The following PRDM16 variants were observed in gnomAD, a reference collection of about 807,000 sequenced individuals.
PRDM16 encodes PR/SET domain 16.
Under a neutral mutation model 110.6 loss-of-function variants are expected in PRDM16, and 23 were observed. The ratio of observed to expected loss-of-function variants is 0.21; its 90% confidence interval spans 0.15 to 0.29. The LOEUF is 0.29. Among genes scored for constraint, PRDM16 ranks in the 10% least tolerant of loss-of-function variants. The pLI, the probability that PRDM16 is intolerant of heterozygous loss-of-function variation, is 1.00. For missense variants in PRDM16, 1,615 were observed against 1,794.3 expected, an observed-to-expected ratio of 0.90 and a Z score of 1.81; for synonymous variants, 799 against 781.8, an observed-to-expected ratio of 1.02 and a Z score of -0.37.
At chr1:3,268,092 G>T (rs1640338857) in intron 3 of PRDM16, among the ~76,000 whole-genome samples, 1 of 152,220 alleles carries the variant, frequency 6.6e-6, no homozygotes, top group African/African-American at 2.4e-5. Context: ...CTAACAGGGT[G>T]CCCGTTTGCA....
intron 1 of PRDM16, among the ~76,000 whole-genome samples, chr1:3,180,995 C>CTCA (rs1644150643): frequency 6.9e-6 from 1 of 144,226 alleles, no homozygotes; most frequent in Non-Finnish European, 1.6e-5. Flanking sequence ...GTCTTACACA[C>CTCA]GATCTTACAC....
intron 3 of PRDM16, chr1:3,306,490 C>T (rs1307630191): frequency 6.6e-6 from 1 of 152,244 alleles, no homozygotes; most frequent in Non-Finnish European, 1.5e-5. Context: ...CACCTGGACA[C>T]AGCCACGTGG....
At chr1:3,293,413 G>T (rs1015502159) in intron 3 of PRDM16, among the ~76,000 whole-genome samples, 14 of 152,206 alleles carry the variant, frequency 9.2e-5, no homozygotes, top group Admixed American at 6.5e-5. Context: ...GTGGGTAAAG[G>T]TTGTATTGCT....
At chr1:3,159,482 C>T (rs1371399770) in intron 1 of PRDM16, among the ~76,000 whole-genome samples, 1 of 152,194 alleles carries the variant, frequency 6.6e-6, no homozygotes, top group African/African-American at 2.4e-5. Flanking sequence ...TGTCTGTGTC[C>T]TCATCTCCTC....
chr1:3,340,203 G>T (rs1026721818), intron 3 of PRDM16, among the ~76,000 whole-genome samples: 2 of 152,054 alleles, frequency 1.3e-5, no homozygotes, highest in Non-Finnish European at 2.9e-5. Context: ...TGTGGTAGCC[G>T]AGTCCTTACC....
intron 3 of PRDM16, among the ~76,000 whole-genome samples, chr1:3,375,877 A>C (rs1033008924): frequency 1.3e-5 from 2 of 152,218 alleles, no homozygotes; most frequent in African/African-American, 4.8e-5. Context: ...AATAAAGAAA[A>C]TAGGAATAGG....
intron 3 of PRDM16, among the ~76,000 whole-genome samples, chr1:3,285,544 C>T (rs554432487): frequency 2.0e-5 from 3 of 152,244 alleles, no homozygotes; most frequent in South Asian, 4.1e-4. Context: ...GTGACATGCT[C>T]GCTCGGGAGC....
intron 3 of PRDM16, among the ~76,000 whole-genome samples, chr1:3,341,027 T>A (rs1642259795): frequency 6.6e-6 from 1 of 151,684 alleles, no homozygotes; most frequent in Non-Finnish European, 1.5e-5. Flanking sequence ...GAGGGGGATG[T>A]GTCCAACCCC....
rs1638887779 is a variant in PRDM16, at chr1:3,435,667, G to T, written c.*1856G>T. On this transcript the variant is annotated 3_prime_UTR_variant, in exon 17 of 17. Transcript: ENST00000270722. ...TTGGTGTGGGTTTGTGTCACGTGTG[G>T]ACATCTCCTCAGGCTTTGTGTCACG... The T allele has an allele frequency of 4.3e-6, 1 of 232,706 alleles. No homozygotes were observed. The highest frequency in any genetic ancestry group is 2.2e-5 in the African/African-American group (1 of 45,388). 14.4% of individuals were successfully genotyped at this position (232,706 alleles called of 1,614,324 possible).
At chr1:3,084,230 C>G (rs550556851) in intron 1 of PRDM16, among the ~76,000 whole-genome samples, 1 of 152,286 alleles carries the variant, frequency 6.6e-6, no homozygotes, top group Non-Finnish European at 1.5e-5. Flanking sequence ...GCCTGTACCC[C>G]TCGGGTGGGG....
intron 1 of PRDM16, among the ~76,000 whole-genome samples, chr1:3,099,402 T>C (rs992727872): frequency 2.6e-5 from 4 of 152,198 alleles, no homozygotes; most frequent in African/African-American, 9.6e-5. Flanking sequence ...GCTACACCAA[T>C]AACCAGCCTC....
intron 2 of PRDM16, among the ~76,000 whole-genome samples, chr1:3,200,176 C>T (rs189374502): frequency 6.6e-6 from 1 of 152,234 alleles, no homozygotes; most frequent in Non-Finnish European, 1.5e-5. Context: ...GGCAGAGACT[C>T]TCCTCACAGC....
At chr1:3,202,667 G>A (rs967308272) in intron 2 of PRDM16, among the ~76,000 whole-genome samples, 1 of 152,206 alleles carries the variant, frequency 6.6e-6, no homozygotes, top group South Asian at 2.1e-4. Context: ...AACCTCAGTA[G>A]CTTTGTGAGG....
At chr1:3,232,192 G>A (rs758333542) in intron 2 of PRDM16, among the ~76,000 whole-genome samples, 5 of 151,726 alleles carry the variant, frequency 3.3e-5, no homozygotes, top group African/African-American at 7.3e-5. Flanking sequence ...CCTTCCCGCC[G>A]ATCCATCTCC....
chr1:3,218,568 G>C (rs1639083878), intron 2 of PRDM16, among the ~76,000 whole-genome samples: 1 of 152,228 alleles, frequency 6.6e-6, no homozygotes. Flanking sequence ...GTTTTGAATG[G>C]CTACACCTGA....
At chr1:3,331,218 A>G (rs1642034680) in intron 3 of PRDM16, among the ~76,000 whole-genome samples, 1 of 152,104 alleles carries the variant, frequency 6.6e-6, no homozygotes, top group Non-Finnish European at 1.5e-5. Flanking sequence ...GCAGGGGGGA[A>G]GCTGCGCAAC....
chr1:3,298,700 C>T (rs1383933051), intron 3 of PRDM16, among the ~76,000 whole-genome samples: 1 of 152,108 alleles, frequency 6.6e-6, no homozygotes, highest in Non-Finnish European at 1.5e-5. Context: ...GAGGACACTG[C>T]CTGGCCCTTG....
intron 1 of PRDM16, among the ~76,000 whole-genome samples, chr1:3,181,086 G>T (rs1394979410): frequency 3.3e-5 from 2 of 59,826 alleles, no homozygotes; most frequent in Non-Finnish European, 5.3e-5. Flanking sequence ...TCTTACACAC[G>T]GCCTTACACA....
intron 3 of PRDM16, among the ~76,000 whole-genome samples, chr1:3,277,746 C>T (rs1026764141): frequency 1.3e-5 from 2 of 150,914 alleles, no homozygotes; most frequent in South Asian, 2.1e-4. Flanking sequence ...CACACGCACA[C>T]GCACACACAT....
Sources: allele counts gnomAD v4.1 joint callset (sites outside exome capture counted in the v4.1 genomes callset), GRCh38; gene constraint gnomAD v4.1.1; transcripts MANE v1.5; gene names NCBI Gene and HGNC (gene_info 2026-07-23, HGNC 2026-07-21).